Variants in CFAP52 observed in about 807,000 individuals in gnomAD.
The protein encoded by CFAP52 is cilia and flagella associated protein 52.
In CFAP52, 57 loss-of-function variants were observed where a neutral mutation model predicts 70.5. That is an observed-to-expected ratio of 0.81 (90% CI 0.65 to 1.01). CFAP52 has a LOEUF of 1.01. CFAP52 is among the 50% of genes least tolerant of loss of function. CFAP52 has a pLI of 0.00. For missense variants in CFAP52, 785 were observed against 788.5 expected (o/e 1.00, Z 0.05); for synonymous variants, 267 against 292.5 (o/e 0.91, Z 0.89).
intron 12 of CFAP52, chr17:9,638,932 T>A: frequency 1.8e-6 from 1 of 543,552 alleles, no homozygotes. Flanking sequence ...AGAGTAAGGA[T>A]TAAAGTCATG....
At chr17:9,623,753 C>G (rs376782068) in intron 8 of CFAP52, among the ~76,000 whole-genome samples, 1 of 152,036 alleles carries the variant, frequency 6.6e-6, no homozygotes, top group East Asian at 1.9e-4. Context: ...TGTCCATTCA[C>G]CCGCATGATC....
chr17:9,629,598 A>G (rs1453275648), intron 9 of CFAP52, among the ~76,000 whole-genome samples: 1 of 132,714 alleles, frequency 7.5e-6, no homozygotes, highest in Non-Finnish European at 1.5e-5. Flanking sequence ...CCCAAGCTGG[A>G]GTGCAATGGC....
Position 9,585,778 on chromosome 17 carries a change from G to A in CFAP52, c.76G>A (p.Val26Met), listed in dbSNP as rs1392302086. Residue 26 changes from valine to methionine, a missense_variant, in exon 2 of 14, where the codon GTG (valine) becomes ATG (methionine). Val to Met is a conservative substitution (Grantham distance 21). Transcript: ENST00000352665. ...TGTGAATCTCTCTCTTTTAGGACAT[G>A]TGCCCACTGGTCTCAAATGCCATCC... ...LDAVIGFNGH[V>M]PTGLKCHPDQ... 4 of 1,613,942 alleles carry A rather than the reference G, an allele frequency of 2.5e-6. No homozygotes were observed. In the African/African-American group the frequency reaches 4.0e-5, roughly 16 times the overall value.
intron 11 of CFAP52, among the ~76,000 whole-genome samples, chr17:9,637,706 C>T (rs1452402488): frequency 6.6e-6 from 1 of 152,192 alleles, no homozygotes; most frequent in African/African-American, 2.4e-5. Context: ...TCCCAAATAG[C>T]TGGGATTACA....
At chr17:9,594,452 G>T in intron 4 of CFAP52, 131 bp downstream of exon 4, 1 of 1,180,712 alleles carries the variant, frequency 8.5e-7, no homozygotes, top group Non-Finnish European at 1.1e-6. Flanking sequence ...TAGTTTTTGT[G>T]ATTTTGTACT....
intron 6 of CFAP52, among the ~76,000 whole-genome samples, chr17:9,601,553 A>G (rs988887135): frequency 6.6e-6 from 1 of 152,130 alleles, no homozygotes. Flanking sequence ...CTATAAAACT[A>G]TATATATAAT....
At position 9,608,169 on chromosome 17, in the gene CFAP52, T is replaced by C. The variant is rs137995073; in HGVS notation, c.804T>C (p.Ser268=). Reference sequence around the variant, plus strand: ...AGATGGGGGGTTTGTTGGTGGGCTCTGGAGCCGGACTGCTGGTCTTCTGTA... The same window carrying C: ...AGATGGGGGGTTTGTTGGTGGGCTCCGGAGCCGGACTGCTGGTCTTCTGTA... ...CLKMGGLLVG[S]GAGLLVFCKS... The change falls in exon 7 of 14, where the codon TCT becomes TCC. Residue 268 remains serine, a synonymous_variant. Coordinates refer to ENST00000352665, the MANE Select transcript of CFAP52 (RefSeq NM_145054.5). 2,951 of 1,612,910 alleles carry C rather than the reference T, an allele frequency of 1.8e-3. 15 individuals carry two copies. The highest frequency in any genetic ancestry group is 1.5e-3 in the Non-Finnish European group (1,767 of 1,179,252).
At chr17:9,603,426 G>A (rs1246550990) in intron 6 of CFAP52, among the ~76,000 whole-genome samples, 1 of 152,072 alleles carries the variant, frequency 6.6e-6, no homozygotes, top group African/African-American at 2.4e-5. Context: ...AGCCAGGATG[G>A]TCTCGATCTC....
At chr17:9,641,636 A>G (rs1597799782) in intron 12 of CFAP52, 88 bp from the exon 13 acceptor site, 1 of 934,746 alleles carries the variant, frequency 1.1e-6, no homozygotes, top group Non-Finnish European at 1.7e-6. Context: ...GCTCCCTTCT[A>G]TATAAAGTAG....
At chr17:9,594,370 T>G (rs760704752) in intron 4 of CFAP52, 49 bp downstream of exon 4, 3 of 1,585,494 alleles carry the variant, frequency 1.9e-6, no homozygotes. Flanking sequence ...TGCTATATTT[T>G]CTTGCACAGA....
In CFAP52 at chr17:9,596,677, A is replaced by G. The variant is rs189240354; in HGVS notation, c.537-1557A>G. ...TGCAACTCAATACCTTGAAAAAAAC[A>G]CATTTAAACTTACTCCTCCTCATGG... is the stretch of plus-strand genomic sequence containing the variant. On this transcript the variant is annotated intron_variant, in intron 4 of 13. Transcript: ENST00000352665. Among the ~76,000 whole-genome samples the G allele has an allele frequency of 2.0e-5, 3 of 151,744 alleles. No homozygotes were observed. In the East Asian group the frequency reaches 5.8e-4, roughly 29 times the overall value.
chr17:9,632,432 A>T (rs1910590615), intron 9 of CFAP52, among the ~76,000 whole-genome samples: 1 of 152,018 alleles, frequency 6.6e-6, no homozygotes, highest in Non-Finnish European at 1.5e-5. Flanking sequence ...AGAAGATGAC[A>T]TAATTTTTAA....
Position 9,630,515 on chromosome 17 carries a change from C to G in CFAP52, c.1174+1695C>G. ...CGCGATCTCGGCTCACTGCAAGCTC[C>G]GCCTCCCGGGTTCACGCCATTCTCC... On this transcript the variant is annotated intron_variant, in intron 9 of 13. Coordinates refer to ENST00000352665, the MANE Select transcript of CFAP52 (RefSeq NM_145054.5). Among the ~76,000 whole-genome samples, 2 of 149,076 alleles carry G rather than the reference C, an allele frequency of 1.3e-5. 1 individual carries two copies. The highest frequency in any genetic ancestry group is 3.0e-5 in the Non-Finnish European group (2 of 67,452).
rs1332755195 is a variant in CFAP52, at chr17:9,591,331, C to T, written c.408-2862C>T. ...GAGATTATAGGCTTGAGTCGCCGCT[C>T]CCGGCCTGCATGTATCTTTTAAATT... On this transcript the variant is annotated intron_variant, in intron 3 of 13. Coordinates refer to ENST00000352665, the MANE Select transcript of CFAP52 (RefSeq NM_145054.5). 1.2e-4 allele frequency among the ~76,000 whole-genome samples: 18 copies of T among 152,116 alleles called. 1 individual carries two copies. Among genetic ancestry groups the T allele is most frequent in the Non-Finnish European group, 5.9e-5 (4 of 68,032 alleles).
At chr17:9,581,412 T>C (rs1356031213) in intron 1 of CFAP52, among the ~76,000 whole-genome samples, 1 of 152,188 alleles carries the variant, frequency 6.6e-6, no homozygotes, top group Non-Finnish European at 1.5e-5. Context: ...TAGATGTATA[T>C]AAACTAATGA....
chr17:9,600,302 C>T (rs560545947), intron 6 of CFAP52, 119 bp downstream of exon 6: 157 of 853,770 alleles, frequency 1.8e-4, no homozygotes, highest in African/African-American at 4.2e-4. Flanking sequence ...AGTACAGTGA[C>T]GTGATCTTGG....
At chr17:9,605,044 C>T (rs924185788) in intron 6 of CFAP52, among the ~76,000 whole-genome samples, 1 of 152,058 alleles carries the variant, frequency 6.6e-6, no homozygotes, top group Admixed American at 6.6e-5. Context: ...TGGTTTCTTG[C>T]AAAATTAAAC....
At chr17:9,641,140 T>C (rs552319777) in intron 12 of CFAP52, among the ~76,000 whole-genome samples, 23 of 152,352 alleles carry the variant, frequency 1.5e-4, no homozygotes, top group South Asian at 8.3e-4. Flanking sequence ...CACCTGTCTC[T>C]CCATCCCTAA....
chr17:9,584,084 G>A, intron 1 of CFAP52: 1 of 595,420 alleles, frequency 1.7e-6, no homozygotes, highest in Non-Finnish European at 2.3e-6. Context: ...TCAATATGTT[G>A]GGGCCTTCTG....
Sources: gnomAD v4.1 joint callset for allele counts (sites outside exome capture counted in the v4.1 genomes callset) on GRCh38, gnomAD v4.1.1 for gene constraint, MANE v1.5 for transcripts, NCBI Gene and HGNC (gene_info 2026-07-23, HGNC 2026-07-21) for gene names.